SPON1: variants seen among roughly 807,000 people sequenced by gnomAD.
SPON1 encodes the protein spondin 1, also known as spondin-1.
In SPON1, 52 loss-of-function variants were observed where a neutral mutation model predicts 111.7. That is an observed-to-expected ratio of 0.47 (90% CI 0.37 to 0.59). SPON1 has a LOEUF of 0.59. Among genes scored for constraint, SPON1 ranks in the 20% least tolerant of loss-of-function variants. The probability of loss-of-function intolerance (pLI) is 0.00; values close to 1 mark genes in which losing one functional copy is unlikely to be tolerated. For missense variants in SPON1, 957 were observed against 1,068.5 expected (o/e 0.90, Z 1.46); for synonymous variants, 410 against 395.8 (o/e 1.04, Z -0.43).
chr11:14,110,668 G>T (rs892588151), intron 5 of SPON1, among the ~76,000 whole-genome samples: 1 of 152,206 alleles, frequency 6.6e-6, no homozygotes, highest in Non-Finnish European at 1.5e-5. Context: ...ACTGGTGCAA[G>T]TTGCAGAGCC....
intron 6 of SPON1, among the ~76,000 whole-genome samples, chr11:14,233,060 C>A (rs4756782): frequency 0.13 from 19,361 of 152,044 alleles, 1,544 homozygotes; most frequent in South Asian, 0.22. Context: ...TCCATTCACT[C>A]CCCAGGTAAT....
intron 3 of SPON1, among the ~76,000 whole-genome samples, chr11:14,050,768 T>C (rs1384231561): frequency 1.3e-5 from 2 of 152,182 alleles, no homozygotes; most frequent in Non-Finnish European, 2.9e-5. Context: ...TTATGACATG[T>C]GTCTCAGAAC....
chr11:14,043,416 T>C (rs1482545759), intron 3 of SPON1, among the ~76,000 whole-genome samples: 2 of 152,208 alleles, frequency 1.3e-5, no homozygotes, highest in African/African-American at 4.8e-5. Context: ...AATAGAGCAG[T>C]TGACAGTTCC....
Position 14,261,491 on chromosome 11 carries a change from T to C in SPON1, c.1996+739T>C, listed in dbSNP as rs557755613. ...TTCCTCAGTTTCTCCATCTGTAAAA[T>C]AGCAGGAAATACTTCCTAGGTTGCT... On this transcript the variant is annotated intron_variant, in intron 14 of 15. Coordinates refer to ENST00000576479, the MANE Select transcript of SPON1 (RefSeq NM_006108.4). Among the ~76,000 whole-genome samples the C allele has an allele frequency of 1.9e-3, 290 of 152,312 alleles. 2 individuals carry two copies. Among genetic ancestry groups the C allele is most frequent in the Non-Finnish European group, 3.6e-3 (243 of 68,016 alleles).
chr11:14,090,824 G>GCCCCCCCCCCCCC (rs1176498162), intron 5 of SPON1, among the ~76,000 whole-genome samples: 7 of 45,576 alleles, frequency 1.5e-4, no homozygotes, highest in African/African-American at 4.9e-4. Context: ...CTCTTATCTG[G>GCCCCCCCCCCCCC]CCCCCCCCCC....
intron 6 of SPON1, among the ~76,000 whole-genome samples, chr11:14,212,573 C>A (rs1310051120): frequency 6.6e-6 from 1 of 152,152 alleles, no homozygotes; most frequent in Non-Finnish European, 1.5e-5. Context: ...AGTAACTTGA[C>A]TTCTATCATC....
chr11:14,154,361 C>G (rs10832207), intron 6 of SPON1, among the ~76,000 whole-genome samples: 7 of 151,948 alleles, frequency 4.6e-5, no homozygotes, highest in Non-Finnish European at 8.8e-5. Flanking sequence ...ACTTTTGCCA[C>G]CTGCACACTC....
intron 5 of SPON1, among the ~76,000 whole-genome samples, chr11:14,118,182 T>C (rs10832183): frequency 0.31 from 47,863 of 152,046 alleles, 7,766 homozygotes; most frequent in East Asian, 0.51. Context: ...AAATACAAGC[T>C]CCTAGATTTT....
At chr11:14,085,722 T>C (rs549628355) in intron 5 of SPON1, among the ~76,000 whole-genome samples, 1 of 152,244 alleles carries the variant, frequency 6.6e-6, no homozygotes, top group Non-Finnish European at 1.5e-5. Flanking sequence ...ACATTGAATC[T>C]ATAAATTACT....
chr11:13,982,768 G>C, intron 1 of SPON1, 79 bp from the exon 2 acceptor site: 2 of 956,632 alleles, frequency 2.1e-6, no homozygotes, highest in Non-Finnish European at 3.3e-6. Flanking sequence ...TATCGATGGA[G>C]AACTCAGGTC....
intron 6 of SPON1, among the ~76,000 whole-genome samples, chr11:14,152,460 C>A (rs1461341994): frequency 3.9e-5 from 6 of 152,228 alleles, no homozygotes; most frequent in African/African-American, 1.4e-4. Context: ...ATGTTATGGG[C>A]AGCCTGTTCA....
intron 6 of SPON1, among the ~76,000 whole-genome samples, chr11:14,162,591 C>T (rs1375559787): frequency 6.6e-6 from 1 of 152,196 alleles, no homozygotes. Flanking sequence ...TTACAGATAT[C>T]TTGCTCTCAC....
intron 5 of SPON1, among the ~76,000 whole-genome samples, chr11:14,088,664 T>C (rs554371256): frequency 6.6e-6 from 1 of 152,274 alleles, no homozygotes; most frequent in Admixed American, 6.5e-5. Flanking sequence ...TTTCCTGAAT[T>C]TGAATGTTGG....
intron 6 of SPON1, among the ~76,000 whole-genome samples, chr11:14,240,169 G>A (rs1338809894): frequency 2.0e-5 from 3 of 152,166 alleles, no homozygotes; most frequent in Non-Finnish European, 4.4e-5. Context: ...AGAATGGTGT[G>A]GCTTTGCTTT....
intron 6 of SPON1, among the ~76,000 whole-genome samples, chr11:14,225,729 A>G (rs1474919483): frequency 1.3e-5 from 2 of 152,192 alleles, no homozygotes; most frequent in African/African-American, 4.8e-5. Context: ...AAAATAAAAT[A>G]TCTTATCAGA....
Position 14,212,902 on chromosome 11 carries a change from A to G in SPON1, c.826-30430A>G, listed in dbSNP as rs111291469. On this transcript the variant is annotated intron_variant, in intron 6 of 15. Coordinates refer to ENST00000576479, the MANE Select transcript of SPON1 (RefSeq NM_006108.4). ...GGGTGGATCATCAAAAGATGGGTCT[A>G]TGCTGTGAGAAATGACAGAATTGAC... Among the ~76,000 whole-genome samples, 815 of 152,332 alleles carry G rather than the reference A, an allele frequency of 5.4e-3. 6 individuals carry two copies. The highest frequency in any genetic ancestry group is 0.018 in the African/African-American group (756 of 41,576).
chr11:14,094,440 C>A (rs1554923689), intron 5 of SPON1, among the ~76,000 whole-genome samples: 8 of 151,932 alleles, frequency 5.3e-5, no homozygotes. Context: ...TTTCTCCCAG[C>A]CTTCTCAGCA....
In SPON1 at chr11:14,262,851, A is replaced by C. The variant is rs782049104; in HGVS notation, c.2136A>C (p.Arg712=). The C allele has an allele frequency of 6.2e-7, 1 of 1,613,842 alleles. No individual in the cohort carries two copies. Among genetic ancestry groups the C allele is most frequent in the Admixed American group, 1.7e-5 (1 of 60,014 alleles). ...CACCCTGCCCAGAGACTGTGCAGCG[A>C]AAAAAGTGCCGCATCCGAAAATGCC... ...GGAPCPETVQ[R]KKCRIRKCLR... is the part of the protein sequence containing the mutation. Residue 712 remains arginine, a synonymous_variant, in exon 15 of 16, where the codon CGA becomes CGC. Coordinates refer to ENST00000576479, the MANE Select transcript of SPON1 (RefSeq NM_006108.4).
chr11:14,265,781 C>T lies in SPON1; in HGVS notation c.*94C>T, dbSNP rs1849259983. On this transcript the variant is annotated 3_prime_UTR_variant, in exon 16 of 16. Transcript: ENST00000576479. ...TTTAAGACAATTTAAATTGTGTACGCTAGTTTTCATTTTTGCAGTGTGGTT... is the reference window on the plus strand; with the variant it reads ...TTTAAGACAATTTAAATTGTGTACGTTAGTTTTCATTTTTGCAGTGTGGTT... 1.4e-6 allele frequency: 2 copies of T among 1,399,484 alleles called. No homozygotes were observed. Among genetic ancestry groups the T allele is most frequent in the Admixed American group, 2.3e-5 (1 of 43,626 alleles). 86.7% of individuals were successfully genotyped at this position (1,399,484 alleles called of 1,614,324 possible). A position where few individuals can be genotyped will look rare whatever the true frequency, so the allele number is the denominator to read the frequency against.
Sources: gnomAD v4.1 joint callset for allele counts (sites outside exome capture counted in the v4.1 genomes callset) on GRCh38, gnomAD v4.1.1 for gene constraint, MANE v1.5 for transcripts, NCBI Gene and HGNC (gene_info 2026-07-23, HGNC 2026-07-21) for gene names.